PLEKHG4B: variants seen among roughly 807,000 people sequenced by gnomAD.
The protein encoded by PLEKHG4B is pleckstrin homology and RhoGEF domain containing G4B.
A neutral mutation model predicts 121.3 loss-of-function variants in PLEKHG4B; 111 were observed. The observed-to-expected ratio is 0.92, with a 90% CI of 0.78 to 1.07. The LOEUF (loss-of-function observed/expected upper bound fraction) is 1.07, where lower values mean the gene tolerates loss of function less well. Ranked by LOEUF, PLEKHG4B falls within the 50% of genes least tolerant of loss-of-function variation. The pLI, the probability that PLEKHG4B is intolerant of heterozygous loss-of-function variation, is 0.00. For synonymous variants in PLEKHG4B, 738 were observed against 725.0 expected (o/e 1.02, Z -0.29); for missense variants, 1,831 against 1,757.8 (o/e 1.04, Z -0.74).
At chr5:92,509 C>T (rs1171102322) in intron 1 of PLEKHG4B, among the ~76,000 whole-genome samples, 3 of 62,876 alleles carry the variant, frequency 4.8e-5, no homozygotes, top group African/African-American at 2.2e-4. Flanking sequence ...GGTGAAGGCG[C>T]GAGCATCAAG....
At chr5:169,179 C>A (rs1028468459) in intron 13 of PLEKHG4B, 161 bp from the exon 14 acceptor site, 4 of 996,974 alleles carry the variant, frequency 4.0e-6, no homozygotes, top group Non-Finnish European at 5.8e-6. Context: ...TGGCCGGAAG[C>A]TTTTTTATCG....
At chr5:110,595 C>T (rs2126352880) in intron 1 of PLEKHG4B, among the ~76,000 whole-genome samples, 1 of 143,508 alleles carries the variant, frequency 7.0e-6, no homozygotes, top group East Asian at 2.2e-4. Flanking sequence ...TCCACACAAT[C>T]TGCAACACGT....
At chr5:94,747 C>T (rs1733581714) in intron 1 of PLEKHG4B, among the ~76,000 whole-genome samples, 1 of 151,950 alleles carries the variant, frequency 6.6e-6, no homozygotes, top group Admixed American at 6.6e-5. Flanking sequence ...GTAACAGGCT[C>T]CAGACCCCGA....
intron 14 of PLEKHG4B, among the ~76,000 whole-genome samples, chr5:170,352 G>A (rs2126453515): frequency 6.6e-6 from 1 of 152,082 alleles, no homozygotes; most frequent in African/African-American, 2.4e-5. Context: ...GCCCAGACTG[G>A]AGTGCAGTGG....
At chr5:179,238 A>AC (rs1736859027) in intron 18 of PLEKHG4B, among the ~76,000 whole-genome samples, 1 of 152,210 alleles carries the variant, frequency 6.6e-6, no homozygotes, top group African/African-American at 2.4e-5. Flanking sequence ...AGTTTGACTA[A>AC]CCTTGTCTTT....
intron 18 of PLEKHG4B, among the ~76,000 whole-genome samples, chr5:178,005 T>G (rs1736815003): frequency 6.6e-6 from 1 of 151,584 alleles, no homozygotes; most frequent in South Asian, 2.1e-4. Context: ...TAGGAAGTTG[T>G]AGGCATCCCC....
At chr5:175,079 C>T (rs1051807669) in intron 18 of PLEKHG4B, among the ~76,000 whole-genome samples, 8 of 152,140 alleles carry the variant, frequency 5.3e-5, no homozygotes, top group East Asian at 3.9e-4. Flanking sequence ...TGTCCACAAG[C>T]GAACATAAGG....
At chr5:153,525 C>G (rs1473286026) in intron 7 of PLEKHG4B, among the ~76,000 whole-genome samples, 1 of 152,172 alleles carries the variant, frequency 6.6e-6, no homozygotes, top group African/African-American at 2.4e-5. Context: ...AGCCAGAGAC[C>G]TGGGCAGAGT....
At chr5:105,929 G>T (rs556345205) in intron 1 of PLEKHG4B, among the ~76,000 whole-genome samples, 69 of 152,338 alleles carry the variant, frequency 4.5e-4, no homozygotes, top group African/African-American at 1.7e-3. Flanking sequence ...CTGCTCTGTC[G>T]TGGGACCAGG....
rs1733732281 is a variant in PLEKHG4B at position 189,627 on chromosome 5, C to T, written c.*7304C>T. 6.6e-6 allele frequency: 1 copy of T among 152,236 alleles called. No homozygotes were observed. Among genetic ancestry groups the T allele is most frequent in the Non-Finnish European group, 1.5e-5 (1 of 68,068 alleles). 9.4% of individuals were successfully genotyped at this position (152,236 alleles called of 1,614,324 possible). ...CGCCAGAGCTGGGCCTGAGTCTGAC[C>T]CAACCTGTGCTGAGTGGTCCTGCTG... On this transcript the variant is annotated 3_prime_UTR_variant, in exon 20 of 20. Transcript: ENST00000637938.
At chr5:93,288 AAT>A (rs1733527066) in intron 1 of PLEKHG4B, among the ~76,000 whole-genome samples, 2 of 152,096 alleles carry the variant, frequency 1.3e-5, no homozygotes, top group Admixed American at 1.3e-4. Context: ...ATCTTCATGT[AAT>A]GTGGACAAAG....
intron 6 of PLEKHG4B, among the ~76,000 whole-genome samples, chr5:146,441 C>T (rs1034834852): frequency 1.4e-5 from 2 of 147,922 alleles, no homozygotes; most frequent in South Asian, 2.2e-4. Flanking sequence ...TCTTCCCTAA[C>T]CCTGCAGCCA....
At position 101,428 on chromosome 5, in the gene PLEKHG4B, G is replaced by A. The variant is rs542923934; in HGVS notation, c.45+9152G>A. Among the ~76,000 whole-genome samples the A allele has an allele frequency of 1.5e-3, 188 of 124,796 alleles. 7 individuals are homozygous for A. The highest frequency in any genetic ancestry group is 3.4e-3 in the Admixed American group (46 of 13,354). The allele number at this position is 124,796 out of a possible 152,430, so 81.9% of individuals were successfully genotyped here. A position where few individuals can be genotyped will look rare whatever the true frequency, so the allele number is the denominator to read the frequency against. On this transcript the variant is annotated intron_variant, in intron 1 of 19. Coordinates refer to ENST00000637938, the MANE Select transcript of PLEKHG4B (RefSeq NM_052909.5). ...CCTGTAGGGGAGAGACTGTTGTGAGGTAAATCCATATAAAGCCCGGGGAAA... is the reference window on the plus strand; with the variant it reads ...CCTGTAGGGGAGAGACTGTTGTGAGATAAATCCATATAAAGCCCGGGGAAA...
chr5:164,185 A>C (rs12515611), intron 13 of PLEKHG4B, among the ~76,000 whole-genome samples: 71,205 of 152,170 alleles, frequency 0.47, 17,168 homozygotes, highest in African/African-American at 0.56. Flanking sequence ...CCTTTTTGCC[A>C]CCAGGGACAG....
Position 140,516 on chromosome 5 carries a change from C to A in PLEKHG4B, c.1277C>A (p.Pro426Gln). The A allele has an allele frequency of 6.3e-7, 1 of 1,596,796 alleles. No individual in the cohort carries two copies. The highest frequency in any genetic ancestry group is 8.5e-7 in the Non-Finnish European group (1 of 1,172,222). ...AGGCACACACCCAGCCGGACAGGTC[C>A]AGGAGCTGCAGGGCGGACTCTTCCC... is the stretch of plus-strand genomic sequence containing the variant. ...KERHTPSRTGPGAAGRTLPRR... is the reference protein window; with the variant it reads ...KERHTPSRTGQGAAGRTLPRR... Residue 426 changes from proline (P) to glutamine (Q), a missense_variant, in exon 3 of 20, where the codon CCA becomes CAA. Transcript: ENST00000637938.
In PLEKHG4B at chr5:183,275, C is replaced by T. The variant is rs1188959497; in HGVS notation, c.*952C>T. The T allele has an allele frequency of 6.6e-6, 1 of 152,170 alleles. No individual in the cohort carries two copies. The highest frequency in any genetic ancestry group is 2.1e-4 in the South Asian group (1 of 4,826). The allele number at this position is 152,170 out of a possible 1,614,324, so 9.4% of individuals were successfully genotyped here. On this transcript the variant is annotated 3_prime_UTR_variant, in exon 20 of 20. Transcript: ENST00000637938. Reference sequence around the variant, plus strand: ...AAAGCTCCAGATGATCTAGGGGTTACCAAAGTGTCCACACCCTGCAAGGTA... The same window carrying T: ...AAAGCTCCAGATGATCTAGGGGTTATCAAAGTGTCCACACCCTGCAAGGTA...
In PLEKHG4B at chr5:155,524, A is replaced by C. The variant is rs552583413; in HGVS notation, c.2208+81A>C. The C allele has an allele frequency of 3.4e-5, 36 of 1,071,282 alleles. No homozygotes were observed. The East Asian group carries it at 7.3e-4, about 22-fold the overall frequency. 66.4% of individuals were successfully genotyped at this position (1,071,282 alleles called of 1,614,324 possible). On this transcript the variant is annotated intron_variant, in intron 9 of 19. Coordinates refer to ENST00000637938, the MANE Select transcript of PLEKHG4B (RefSeq NM_052909.5). ...TAAAGGTTAGCCAAACTTGAAAATAAATATTTGGTTCACTATCATCTGTAG... is the reference window on the plus strand; with the variant it reads ...TAAAGGTTAGCCAAACTTGAAAATACATATTTGGTTCACTATCATCTGTAG...
rs1044076486 is a variant in PLEKHG4B, at chr5:113,987, G to T, written c.243+539G>T. On this transcript the variant is annotated intron_variant, in intron 2 of 19. Transcript: ENST00000637938. This position sits in a 1 kb window ranked among gnomAD's most constrained non-coding sequence, Gnocchi z 5.2. Reference sequence around the variant, plus strand: ...TAATGCCAGACACACAAAGTTTTTGGTTTCCCAGCGCATATACAAGTTACG... The same window carrying T: ...TAATGCCAGACACACAAAGTTTTTGTTTTCCCAGCGCATATACAAGTTACG... 2.0e-5 allele frequency among the ~76,000 whole-genome samples: 3 copies of T among 152,210 alleles called. No individual in the cohort carries two copies. The highest frequency in any genetic ancestry group is 4.4e-5 in the Non-Finnish European group (3 of 68,046).
At chr5:153,441 C>T (rs566493744) in intron 7 of PLEKHG4B, among the ~76,000 whole-genome samples, 7 of 152,308 alleles carry the variant, frequency 4.6e-5, no homozygotes, top group South Asian at 4.1e-4. Flanking sequence ...AGACTCCAAC[C>T]GGCAGCTCTG....
Sources: gnomAD v4.1 joint callset for allele counts (sites outside exome capture counted in the v4.1 genomes callset) on GRCh38, gnomAD v4.1.1 for gene constraint, Gnocchi (gnomAD v3.1) non-coding constraint, MANE v1.5 for transcripts, NCBI Gene and HGNC (gene_info 2026-07-23, HGNC 2026-07-21) for gene names.